Variants in RPS6KC1 observed in about 807,000 individuals in gnomAD.
The protein encoded by RPS6KC1 is ribosomal protein S6 kinase C1, also known as inactive ribosomal protein S6 kinase delta-1.
A neutral mutation model predicts 103.8 loss-of-function variants in RPS6KC1; 54 were observed. The ratio of observed to expected loss-of-function variants is 0.52; its 90% confidence interval spans 0.42 to 0.65. The LOEUF is 0.65. Among genes scored for constraint, RPS6KC1 ranks in the 30% least tolerant of loss-of-function variants. The pLI, the probability that RPS6KC1 is intolerant of heterozygous loss-of-function variation, is 0.00. For synonymous variants in RPS6KC1, 439 were observed against 438.7 expected (o/e 1.00, Z -0.01); for missense variants, 1,151 against 1,253.8 (o/e 0.92, Z 1.24).
Position 213,241,539 on chromosome 1 carries a change from G to C in RPS6KC1, c.2063G>C (p.Arg688Thr). Residue 688 changes from arginine to threonine, a missense_variant, in exon 11 of 15, where the codon AGA (arginine) becomes ACA (threonine). By Grantham distance (71) the Arg-to-Thr change is moderately conservative. This residue lies in a region of RPS6KC1 where 959 missense variants were observed against 1,006.3 expected (regional missense o/e 0.95). Coordinates refer to ENST00000366960, the MANE Select transcript of RPS6KC1 (RefSeq NM_012424.6). ...FDDVSGTDEG[R>T]PDLLVNLPGE... ...GATGTCAGTGGTACTGATGAAGGAAGACCTGATCTTCTTGTAAATTTACCT... is the reference window on the plus strand; with the variant it reads ...GATGTCAGTGGTACTGATGAAGGAACACCTGATCTTCTTGTAAATTTACCT... 6.2e-7 allele frequency: 1 copy of C among 1,613,968 alleles called. No homozygotes were observed. Among genetic ancestry groups the C allele is most frequent in the Non-Finnish European group, 8.5e-7 (1 of 1,179,924 alleles).
At chr1:213,192,527 T>C (rs1454187335) in intron 8 of RPS6KC1, among the ~76,000 whole-genome samples, 2 of 152,100 alleles carry the variant, frequency 1.3e-5, no homozygotes, top group African/African-American at 2.4e-5. Context: ...TAGGAGACTT[T>C]TTATTATGCT....
At chr1:213,249,454 A>G (rs2094506579) in intron 12 of RPS6KC1, among the ~76,000 whole-genome samples, 1 of 152,226 alleles carries the variant, frequency 6.6e-6, no homozygotes, top group African/African-American at 2.4e-5. Context: ...GGATAAGGCA[A>G]GTAGGATTTC....
the RPS6KC1 span, among the ~76,000 whole-genome samples, chr1:213,791,726 A>G: frequency 1.3e-5 from 2 of 152,206 alleles, no homozygotes; most frequent in Non-Finnish European, 2.9e-5. Context: ...CTCTAGCTTC[A>G]TAACATCCCT....
the RPS6KC1 span, among the ~76,000 whole-genome samples, chr1:213,773,582 A>G: frequency 2.0e-5 from 3 of 150,928 alleles, no homozygotes; most frequent in South Asian, 4.2e-4. Context: ...ATGTATCTAT[A>G]TATCATATAC....
the RPS6KC1 span, among the ~76,000 whole-genome samples, chr1:213,642,280 G>A: frequency 6.6e-6 from 1 of 152,060 alleles, no homozygotes; most frequent in Non-Finnish European, 1.5e-5. Context: ...GTCCTCTAGT[G>A]GGCCAGACAT....
At chr1:213,161,616 T>C (rs1414074403) in intron 6 of RPS6KC1, among the ~76,000 whole-genome samples, 3 of 152,244 alleles carry the variant, frequency 2.0e-5, no homozygotes, top group Non-Finnish European at 4.4e-5. Flanking sequence ...CCACTGCACC[T>C]GCCCTCATTC....
At chr1:213,169,034 T>G (rs2091250162) in intron 7 of RPS6KC1, among the ~76,000 whole-genome samples, 1 of 152,102 alleles carries the variant, frequency 6.6e-6, no homozygotes, top group East Asian at 1.9e-4. Flanking sequence ...AGTAATTTTT[T>G]GCTGGGTAGT....
At chr1:213,567,477 C>G in the RPS6KC1 span, among the ~76,000 whole-genome samples, 1 of 152,186 alleles carries the variant, frequency 6.6e-6, no homozygotes, top group Admixed American at 6.5e-5. Flanking sequence ...CTCTGGGGTT[C>G]CACTCTAGTT....
At chr1:213,662,723 C>A in the RPS6KC1 span, among the ~76,000 whole-genome samples, 142,987 of 152,214 alleles carry the variant, frequency 0.94, 67,812 homozygotes, top group East Asian at 1. Flanking sequence ...GCTCCCTTTA[C>A]GTAACCTCAA....
downstream of RPS6KC1, among the ~76,000 whole-genome samples, chr1:213,277,410 A>T (rs1427219423): frequency 6.6e-6 from 1 of 152,164 alleles, no homozygotes; most frequent in Non-Finnish European, 1.5e-5. Context: ...GGAGGCAGAG[A>T]GAATTTGTGG....
At chr1:213,094,599 A>G (rs188326305) in intron 3 of RPS6KC1, among the ~76,000 whole-genome samples, 6 of 152,350 alleles carry the variant, frequency 3.9e-5, no homozygotes, top group Admixed American at 3.9e-4. Context: ...TCATCAGAGT[A>G]TGACTTCCTG....
At chr1:213,607,059 G>A in the RPS6KC1 span, among the ~76,000 whole-genome samples, 1 of 152,170 alleles carries the variant, frequency 6.6e-6, no homozygotes, top group Non-Finnish European at 1.5e-5. Flanking sequence ...ACTCAGCCCA[G>A]CTAGTATTCC....
the RPS6KC1 span, among the ~76,000 whole-genome samples, chr1:213,535,105 G>A: frequency 6.6e-6 from 1 of 152,208 alleles, no homozygotes; most frequent in Admixed American, 6.5e-5. Context: ...GGTCAAGCAG[G>A]CTCCATATGG....
chr1:213,772,475 A>G, the RPS6KC1 span, among the ~76,000 whole-genome samples: 1 of 152,234 alleles, frequency 6.6e-6, no homozygotes, highest in African/African-American at 2.4e-5. Context: ...GCAGTTGGAA[A>G]TATAATTGTG....
the RPS6KC1 span, among the ~76,000 whole-genome samples, chr1:213,523,987 C>T: frequency 2.6e-5 from 4 of 151,984 alleles, no homozygotes; most frequent in African/African-American, 4.8e-5. Context: ...AAAGTCACGG[C>T]GGGAGGCTGA....
the RPS6KC1 span, among the ~76,000 whole-genome samples, chr1:213,666,431 T>C: frequency 3.9e-5 from 6 of 152,268 alleles, no homozygotes; most frequent in Admixed American, 2.0e-4. Context: ...CATATTCTAA[T>C]TACAGACAGT....
At chr1:213,826,309 T>C in the RPS6KC1 span, among the ~76,000 whole-genome samples, 1 of 152,210 alleles carries the variant, frequency 6.6e-6, no homozygotes, top group Admixed American at 6.5e-5. Context: ...AATGAAAATA[T>C]ACAATATTAT....
the RPS6KC1 span, among the ~76,000 whole-genome samples, chr1:213,464,736 T>A: frequency 0.028 from 4,314 of 152,100 alleles, 86 homozygotes; most frequent in East Asian, 0.051. Flanking sequence ...CGGTATGTCG[T>A]ATTCTGTTTG....
the RPS6KC1 span, among the ~76,000 whole-genome samples, chr1:213,584,426 T>C: frequency 6.6e-6 from 1 of 152,222 alleles, no homozygotes; most frequent in Non-Finnish European, 1.5e-5. Flanking sequence ...AATAGGGACA[T>C]CTGGTATTCT....
Sources: allele counts gnomAD v4.1 joint callset (sites outside exome capture counted in the v4.1 genomes callset), GRCh38; gene constraint gnomAD v4.1.1; regional missense constraint gnomAD v4.1.1; transcripts MANE v1.5; gene names NCBI Gene and HGNC (gene_info 2026-07-23, HGNC 2026-07-21).